Variants in CDH1 observed in about 807,000 individuals in gnomAD.
The protein encoded by CDH1 is cadherin 1.
A neutral mutation model predicts 84.5 loss-of-function variants in CDH1; 35 were observed. That is an observed-to-expected ratio of 0.41 (90% CI 0.32 to 0.55). The LOEUF (loss-of-function observed/expected upper bound fraction) is 0.55, where lower values mean the gene tolerates loss of function less well. Among genes scored for constraint, CDH1 ranks in the 20% least tolerant of loss-of-function variants. CDH1 has a pLI of 0.19. For synonymous variants in CDH1, 417 were observed against 439.0 expected (o/e 0.95, Z 0.63); for missense variants, 994 against 1,126.6 (o/e 0.88, Z 1.68).
intron 2 of CDH1, among the ~76,000 whole-genome samples, chr16:68,749,323 CAG>C (rs1250357712): frequency 6.6e-6 from 1 of 152,152 alleles, no homozygotes; most frequent in African/African-American, 2.4e-5. Flanking sequence ...CTGAAGGACA[CAG>C]AGGTGGAGTT....
intron 2 of CDH1, among the ~76,000 whole-genome samples, chr16:68,784,617 G>T (rs1363519245): frequency 1.3e-5 from 2 of 152,096 alleles, no homozygotes; most frequent in African/African-American, 4.8e-5. Context: ...CACTGTACCT[G>T]TGTACACTGT....
At chr16:68,763,997 A>G (rs1317473720) in intron 2 of CDH1, among the ~76,000 whole-genome samples, 1 of 152,164 alleles carries the variant, frequency 6.6e-6, no homozygotes, top group Non-Finnish European at 1.5e-5. Flanking sequence ...TGGCGGACAC[A>G]TGGAGAGCTT....
chr16:68,748,318 A>C (rs1334624714), intron 2 of CDH1, among the ~76,000 whole-genome samples: 1 of 148,976 alleles, frequency 6.7e-6, no homozygotes, highest in East Asian at 2.1e-4. Flanking sequence ...CTCCATGTTC[A>C]TCAGGTTGAT....
intron 2 of CDH1, among the ~76,000 whole-genome samples, chr16:68,745,545 A>ATATATATATATATATATGTATATAT (rs1399448265): frequency 1.5e-3 from 29 of 19,456 alleles, no homozygotes; most frequent in African/African-American, 3.0e-3. Flanking sequence ...AAAAAAAAAA[A>ATATATATATATATATATGTATATAT]AAAAATATAT....
intron 2 of CDH1, among the ~76,000 whole-genome samples, chr16:68,795,014 T>G (rs1403052047): frequency 6.6e-6 from 1 of 152,172 alleles, no homozygotes; most frequent in African/African-American, 2.4e-5. Context: ...TTTTTAGATT[T>G]TCTTTTTTTG....
chr16:68,816,456 T>C (rs1185495197), intron 10 of CDH1, among the ~76,000 whole-genome samples: 1 of 152,222 alleles, frequency 6.6e-6, no homozygotes, highest in East Asian at 1.9e-4. Context: ...TAAAATACTC[T>C]CATTTTGGGT....
chr16:68,764,745 G>GTGTATT (rs1242505159), intron 2 of CDH1, among the ~76,000 whole-genome samples: 1 of 152,196 alleles, frequency 6.6e-6, no homozygotes, highest in East Asian at 1.9e-4. Context: ...AGGGATTCCA[G>GTGTATT]TGTATTTGGA....
intron 2 of CDH1, among the ~76,000 whole-genome samples, chr16:68,800,284 G>A (rs1960464554): frequency 6.6e-6 from 1 of 152,056 alleles, no homozygotes; most frequent in African/African-American, 2.4e-5. Flanking sequence ...TCTCAGCTCT[G>A]CCATTTAATA....
At chr16:68,758,020 C>T (rs1308503535) in intron 2 of CDH1, among the ~76,000 whole-genome samples, 5 of 139,798 alleles carry the variant, frequency 3.6e-5, no homozygotes, top group Non-Finnish European at 7.7e-5. Context: ...TGCCATGTTG[C>T]CCAGGCTGGT....
Position 68,792,573 on chromosome 16 carries a change from C to T in CDH1, c.164-9097C>T, listed in dbSNP as rs541449994. The stretch of plus-strand genomic sequence containing the variant: ...AAGCGCCATTCATGACCCTTCCCCC[C>T]GGGCTGGTTCTGATCAACACCCATG... On this transcript the variant is annotated intron_variant, in intron 2 of 15. Coordinates refer to ENST00000261769, the MANE Select transcript of CDH1 (RefSeq NM_004360.5). 9.2e-5 allele frequency among the ~76,000 whole-genome samples: 14 copies of T among 152,290 alleles called. No individual in the cohort carries two copies. The East Asian group carries it at 2.5e-3, about 27-fold the overall frequency.
intron 2 of CDH1, among the ~76,000 whole-genome samples, chr16:68,781,045 T>A (rs2113200): frequency 0.28 from 42,661 of 152,108 alleles, 6,081 homozygotes; most frequent in Middle Eastern, 0.33. Context: ...AGAGATGAAT[T>A]GAGTCTGTGG....
At chr16:68,794,647 A>G (rs1220450277) in intron 2 of CDH1, among the ~76,000 whole-genome samples, 3 of 150,656 alleles carry the variant, frequency 2.0e-5, no homozygotes, top group Admixed American at 2.0e-4. Flanking sequence ...AGCCTCTCTA[A>G]TATCTAGGAC....
intron 2 of CDH1, among the ~76,000 whole-genome samples, chr16:68,781,266 G>A (rs1407277862): frequency 1.3e-5 from 2 of 152,176 alleles, no homozygotes; most frequent in African/African-American, 2.4e-5. Flanking sequence ...TGTGGCCTCA[G>A]TTGCCTCCGC....
At chr16:68,812,062 T>C (rs756215199) in intron 7 of CDH1, 73 bp from the exon 8 acceptor site, 16 of 1,605,540 alleles carry the variant, frequency 1.0e-5, no homozygotes, top group African/African-American at 1.3e-5. Context: ...TCTGGTTCCA[T>C]GTGTTGGGCT....
In CDH1 at chr16:68,801,681, G is replaced by A. The variant is rs1960504606; in HGVS notation, c.175G>A (p.Asp59Asn). 6.2e-7 allele frequency: 1 copy of A among 1,613,860 alleles called. No individual in the cohort carries two copies. Reference protein sequence around the residue: ...GRVLGRVNFEDCTGRQRTAYF... With the variant: ...GRVLGRVNFENCTGRQRTAYF... ...TTTCTGCCCTGCAGTGAATTTTGAAGATTGCACCGGTCGACAAAGGACAGC... is the reference window on the plus strand; with the variant it reads ...TTTCTGCCCTGCAGTGAATTTTGAAAATTGCACCGGTCGACAAAGGACAGC... The change falls in exon 3 of 16, where the codon GAT becomes AAT. Residue 59 changes from aspartate to asparagine, a missense_variant. By Grantham distance (23) the Asp-to-Asn change is conservative. Transcript: ENST00000261769.
At chr16:68,749,662 T>A (rs2152117154) in intron 2 of CDH1, among the ~76,000 whole-genome samples, 1 of 152,346 alleles carries the variant, frequency 6.6e-6, no homozygotes, top group East Asian at 1.9e-4. Context: ...CATCCCCTAC[T>A]GTGGAAGAGG....
At chr16:68,819,138 G>A in intron 10 of CDH1, 142 bp from the exon 11 acceptor site, 1 of 877,802 alleles carries the variant, frequency 1.1e-6, no homozygotes, top group Non-Finnish European at 1.8e-6. Context: ...TTACAGGCAT[G>A]AGCCACCGCG....
intron 2 of CDH1, among the ~76,000 whole-genome samples, chr16:68,796,379 C>T (rs1960361553): frequency 6.6e-6 from 1 of 152,120 alleles, no homozygotes; most frequent in South Asian, 2.1e-4. Context: ...CTGGCCCTGT[C>T]CTTAAATCCC....
chr16:68,738,507 A>C, intron 2 of CDH1, 96 bp downstream of exon 2: 1 of 767,854 alleles, frequency 1.3e-6, no homozygotes. Context: ...GCAATGGGCA[A>C]GCTCCCTCCT....
Sources: allele counts gnomAD v4.1 joint callset (sites outside exome capture counted in the v4.1 genomes callset), GRCh38; gene constraint gnomAD v4.1.1; transcripts MANE v1.5; gene names NCBI Gene and HGNC (gene_info 2026-07-23, HGNC 2026-07-21).